CHMP4B: variants seen among roughly 807,000 people sequenced by gnomAD.
The protein encoded by CHMP4B is SNF7 homolog associated with Alix 1.
Under a neutral mutation model 25.1 loss-of-function variants are expected in CHMP4B, and 1 was observed. The ratio of observed to expected loss-of-function variants is 0.04; its 90% CI spans 0.01 to 0.19. The LOEUF (loss-of-function observed/expected upper bound fraction) is 0.19, where lower values mean the gene tolerates loss of function less well. CHMP4B is among the 10% of genes least tolerant of loss of function. The pLI is 1.00. For missense variants in CHMP4B, 151 were observed against 289.7 expected (o/e 0.52, Z 3.48); for synonymous variants, 101 against 115.6 (o/e 0.87, Z 0.81).
At chr20:33,815,182 G>T (rs143317830) in intron 1 of CHMP4B, among the ~76,000 whole-genome samples, 26 of 152,250 alleles carry the variant, frequency 1.7e-4, no homozygotes, top group African/African-American at 5.8e-4. Flanking sequence ...ACAAATCAGG[G>T]TACTAGTATC....
chr20:33,836,039 TCAAA>T (rs1979383621), intron 1 of CHMP4B, among the ~76,000 whole-genome samples: 1 of 152,192 alleles, frequency 6.6e-6, no homozygotes, highest in African/African-American at 2.4e-5. Flanking sequence ...CTTGGCAGGG[TCAAA>T]CAAACCGTAT....
intron 1 of CHMP4B, among the ~76,000 whole-genome samples, chr20:33,814,092 A>G (rs1336881716): frequency 1.3e-5 from 2 of 152,218 alleles, no homozygotes; most frequent in Non-Finnish European, 2.9e-5. Context: ...TCGCCAGCCA[A>G]CTGTGGAGGA....
At chr20:33,845,006 G>A (rs573291784) in intron 1 of CHMP4B, among the ~76,000 whole-genome samples, 18 of 152,152 alleles carry the variant, frequency 1.2e-4, no homozygotes, top group South Asian at 1.0e-3. Context: ...TAATCCACCC[G>A]CCTTGGCCCC....
intron 3 of CHMP4B, among the ~76,000 whole-genome samples, chr20:33,851,463 C>CCGGG (rs1302801114): frequency 2.6e-5 from 4 of 152,072 alleles, no homozygotes; most frequent in Non-Finnish European, 5.9e-5. Flanking sequence ...TACCCCTGAC[C>CCGGG]CGGGGTATCT....
intron 1 of CHMP4B, among the ~76,000 whole-genome samples, chr20:33,835,646 A>G (rs1003024928): frequency 6.6e-6 from 1 of 152,218 alleles, no homozygotes; most frequent in Admixed American, 6.5e-5. Flanking sequence ...AGCTCGATGT[A>G]GGTGTTTAAA....
In CHMP4B at chr20:33,841,729, T is replaced by TC. The variant is rs1555792398; in HGVS notation, c.191-6731dup. Among the ~76,000 whole-genome samples, 14 of 152,050 alleles carry TC rather than the reference T, an allele frequency of 9.2e-5. No homozygotes were observed. In the East Asian group the frequency reaches 2.3e-3, roughly 25 times the overall value. On this transcript the variant is annotated intron_variant, in intron 1 of 4. Coordinates refer to ENST00000217402, the MANE Select transcript of CHMP4B (RefSeq NM_176812.5). ...TTAGCACCTCTTTCCCATTCTTTTT[T>TC]CCCCCCCTTCTATCTGGGGACTTAG...
intron 1 of CHMP4B, among the ~76,000 whole-genome samples, chr20:33,827,620 T>C (rs1020109748): frequency 2.0e-4 from 31 of 152,270 alleles, no homozygotes; most frequent in African/African-American, 7.2e-4. Context: ...GGAAGGCATC[T>C]TTTCTGGTAC....
chr20:33,845,508 A>G (rs996683330), intron 1 of CHMP4B, among the ~76,000 whole-genome samples: 4 of 152,116 alleles, frequency 2.6e-5, no homozygotes, highest in African/African-American at 9.7e-5. Context: ...TTTTTAGTAG[A>G]GATGGGGTTT....
intron 1 of CHMP4B, among the ~76,000 whole-genome samples, chr20:33,843,731 A>G (rs1348904723): frequency 2.0e-5 from 3 of 152,130 alleles, no homozygotes; most frequent in African/African-American, 7.2e-5. Context: ...GCACTCTAAT[A>G]CCTCTGAGCC....
chr20:33,850,318 C>T (rs930539098), intron 2 of CHMP4B, among the ~76,000 whole-genome samples: 3 of 152,138 alleles, frequency 2.0e-5, no homozygotes, highest in South Asian at 2.1e-4. Context: ...TTCATTGGAC[C>T]GAGCTGCTTG....
chr20:33,814,048 G>T (rs977334766), intron 1 of CHMP4B, among the ~76,000 whole-genome samples: 4 of 152,166 alleles, frequency 2.6e-5, no homozygotes, highest in African/African-American at 9.7e-5. Flanking sequence ...CAGTTTTGGC[G>T]ATCGAATTGA....
At chr20:33,828,848 A>C in intron 1 of CHMP4B, among the ~76,000 whole-genome samples, 1 of 151,896 alleles carries the variant, frequency 6.6e-6, no homozygotes, top group East Asian at 1.9e-4. Context: ...TTAAATGTAT[A>C]CACTTGTGTA....
intron 1 of CHMP4B, among the ~76,000 whole-genome samples, chr20:33,818,702 G>A (rs1464269210): frequency 6.6e-6 from 1 of 152,182 alleles, no homozygotes; most frequent in Non-Finnish European, 1.5e-5. Context: ...ACTAGAAAAC[G>A]GGTTGTGATT....
chr20:33,848,304 T>G (rs1979744663), intron 1 of CHMP4B, among the ~76,000 whole-genome samples, 163 bp from the exon 2 acceptor site: 2 of 152,196 alleles, frequency 1.3e-5, no homozygotes, highest in Admixed American at 1.3e-4. Flanking sequence ...TTTATGTTTT[T>G]GTAGAAAATT....
At chr20:33,824,000 C>T (rs1031058712) in intron 1 of CHMP4B, among the ~76,000 whole-genome samples, 4 of 152,120 alleles carry the variant, frequency 2.6e-5, no homozygotes, top group Admixed American at 2.0e-4. Flanking sequence ...TCCTTGAGTG[C>T]TCGTAATTTA....
In CHMP4B at chr20:33,844,142, T is replaced by C. The variant is rs761867802; in HGVS notation, c.191-4325T>C. On this transcript the variant is annotated intron_variant, in intron 1 of 4. Coordinates refer to ENST00000217402, the MANE Select transcript of CHMP4B (RefSeq NM_176812.5). ...ATCCCCAGTATGAGAGAGCACACCTTACAGCCAGGTGCTTGCGGGAAGTCC... is the reference window on the plus strand; with the variant it reads ...ATCCCCAGTATGAGAGAGCACACCTCACAGCCAGGTGCTTGCGGGAAGTCC... 1.2e-4 allele frequency among the ~76,000 whole-genome samples: 18 copies of C among 152,220 alleles called. 1 individual carries two copies. The highest frequency in any genetic ancestry group is 2.1e-4 in the Non-Finnish European group (14 of 68,026).
intron 1 of CHMP4B, among the ~76,000 whole-genome samples, chr20:33,832,970 G>A (rs184410021): frequency 1.6e-4 from 21 of 135,116 alleles, no homozygotes; most frequent in Admixed American, 1.5e-3. Flanking sequence ...TTTTTTTTTT[G>A]TAGAGACAGG....
At chr20:33,839,080 C>T (rs1351455384) in intron 1 of CHMP4B, among the ~76,000 whole-genome samples, 3 of 152,104 alleles carry the variant, frequency 2.0e-5, no homozygotes, top group Non-Finnish European at 4.4e-5. Flanking sequence ...ATCCCCTGAC[C>T]CTTTGGTTTT....
At chr20:33,831,473 G>T (rs1180178084) in intron 1 of CHMP4B, among the ~76,000 whole-genome samples, 7 of 151,712 alleles carry the variant, frequency 4.6e-5, no homozygotes, top group Admixed American at 6.6e-5. Flanking sequence ...CAAGTGATCC[G>T]CCCACCTTGG....
Sources: gnomAD v4.1 joint callset for allele counts (sites outside exome capture counted in the v4.1 genomes callset) on GRCh38, gnomAD v4.1.1 for gene constraint, MANE v1.5 for transcripts, NCBI Gene and HGNC (gene_info 2026-07-23, HGNC 2026-07-21) for gene names.